Variants in TMEM165 observed in about 807,000 individuals in gnomAD.
The protein encoded by TMEM165 is putative divalent cation/proton antiporter TMEM165.
Under a neutral mutation model 30.0 loss-of-function variants are expected in TMEM165, and 19 were observed. That is an observed-to-expected ratio of 0.63 (90% confidence interval 0.44 to 0.93). The LOEUF is 0.93. TMEM165 is among the 40% of genes least tolerant of loss of function. TMEM165 has a pLI of 0.00. For missense variants in TMEM165, 340 were observed against 417.0 expected (o/e 0.82, Z 1.61); for synonymous variants, 168 against 162.9 (o/e 1.03, Z -0.24).
At chr4:55,406,236 C>G (rs191807031) in intron 1 of TMEM165, among the ~76,000 whole-genome samples, 155 of 152,326 alleles carry the variant, frequency 1.0e-3, no homozygotes, top group African/African-American at 3.5e-3. Flanking sequence ...AATTGATCCT[C>G]CATAGCTGGC....
chr4:55,400,272 A>AATATTATATTATATATAATATTAT (rs1720911678), intron 1 of TMEM165, among the ~76,000 whole-genome samples: 2 of 83,174 alleles, frequency 2.4e-5, no homozygotes, highest in Non-Finnish European at 4.4e-5. Flanking sequence ...TATAATATAT[A>AATATTATATTATATATAATATTAT]ATATAATATT....
intron 1 of TMEM165, among the ~76,000 whole-genome samples, chr4:55,402,893 G>T (rs565234969): frequency 7.1e-6 from 1 of 140,198 alleles, no homozygotes; most frequent in Admixed American, 7.8e-5. Context: ...CCGGGTTCAC[G>T]CCATTCTCCT....
intron 1 of TMEM165, among the ~76,000 whole-genome samples, chr4:55,409,866 C>T (rs528451024): frequency 1.3e-5 from 2 of 152,320 alleles, no homozygotes; most frequent in South Asian, 4.1e-4. Flanking sequence ...CTAAAACCTG[C>T]CATCTCTAAC....
exon 4 of TMEM165, chr4:55,453,223 C>T (rs540439875): frequency 5.6e-4 from 568 of 1,012,670 alleles, no homozygotes; most frequent in Non-Finnish European, 3.0e-4. Context: ...CGTGTCTCAT[C>T]TGTTCATCTA....
At chr4:55,417,013 C>G in intron 2 of TMEM165, 59 bp from the exon 3 acceptor site, 1 of 1,415,714 alleles carries the variant, frequency 7.1e-7, no homozygotes, top group African/African-American at 1.5e-5. Context: ...CCGAAGTTAA[C>G]TGTTCCCTTG....
intron 3 of TMEM165, among the ~76,000 whole-genome samples, chr4:55,448,602 GTGTGT>G (rs1724132645): frequency 7.0e-5 from 1 of 14,384 alleles, no homozygotes. Flanking sequence ...GCACGCGCGC[GTGTGT>G]GTGTGTGTGT....
chr4:55,412,561 A>G (rs928473804), intron 2 of TMEM165: 10 of 151,984 alleles, frequency 6.6e-5, no homozygotes, highest in African/African-American at 1.9e-4. Flanking sequence ...TTTTCTTCCT[A>G]TAATTTATAT....
Position 55,437,375 on chromosome 4 carries a change from A to G in TMEM165, c.408+12732A>G, listed in dbSNP as rs79797549. Among the ~76,000 whole-genome samples, 1,162 of 152,306 alleles carry G rather than the reference A, an allele frequency of 7.6e-3. 17 individuals are homozygous for G. The highest frequency in any genetic ancestry group is 0.027 in the African/African-American group (1,109 of 41,560). ...GCCTACATTCAAAATTGCTCCAGCTAGGCCAGAAGGGGAAAAGGTAGATTT... is the reference window on the plus strand; with the variant it reads ...GCCTACATTCAAAATTGCTCCAGCTGGGCCAGAAGGGGAAAAGGTAGATTT... On this transcript the variant is annotated intron_variant, in intron 3 of 3. Transcript: ENST00000608091.
intron 1 of TMEM165, chr4:55,399,210 C>T (rs2109515562): frequency 6.6e-6 from 1 of 152,282 alleles, no homozygotes; most frequent in East Asian, 1.9e-4. Flanking sequence ...AATCATTTAA[C>T]ATGTGAAGCC....
At chr4:55,414,722 C>G (rs1216386669) in intron 2 of TMEM165, among the ~76,000 whole-genome samples, 1 of 152,120 alleles carries the variant, frequency 6.6e-6, no homozygotes, top group Non-Finnish European at 1.5e-5. Context: ...ATATCCATAG[C>G]CTTTTTTTAA....
chr4:55,452,790 T>C (rs1010657313), exon 4 of TMEM165: 1 of 276,942 alleles, frequency 3.6e-6, no homozygotes, highest in Admixed American at 4.7e-5. Flanking sequence ...ATAATTCATA[T>C]AAATAACCTA....
At chr4:55,435,305 C>A in intron 3 of TMEM165, 1 of 1,270,850 alleles carries the variant, frequency 7.9e-7, no homozygotes, top group Non-Finnish European at 1.1e-6. Flanking sequence ...ACACTCAATA[C>A]TGCATCTCAT....
At chr4:55,447,179 C>G (rs1359481835) in intron 3 of TMEM165, among the ~76,000 whole-genome samples, 1 of 151,826 alleles carries the variant, frequency 6.6e-6, no homozygotes, top group Admixed American at 6.6e-5. Flanking sequence ...CCAGCCTGGG[C>G]AACATGGCAA....
At chr4:55,402,403 G>GTATATATA (rs869107499) in intron 1 of TMEM165, among the ~76,000 whole-genome samples, 214 of 48,004 alleles carry the variant, frequency 4.5e-3, no homozygotes, top group Non-Finnish European at 5.5e-3. Flanking sequence ...GTGTGTGTGT[G>GTATATATA]TATATATATA....
At chr4:55,398,018 C>G (rs1720803445) in intron 1 of TMEM165, among the ~76,000 whole-genome samples, 1 of 152,104 alleles carries the variant, frequency 6.6e-6, no homozygotes, top group African/African-American at 2.4e-5. Context: ...CTGGTGAGCT[C>G]TCACACCGGT....
At chr4:55,438,099 G>T (rs543777289) in intron 3 of TMEM165, among the ~76,000 whole-genome samples, 3 of 152,252 alleles carry the variant, frequency 2.0e-5, no homozygotes, top group Admixed American at 1.3e-4. Flanking sequence ...GTCTTCCAAC[G>T]ACTGAGCAAG....
chr4:55,399,272 C>G (rs1166580212), intron 1 of TMEM165: 1 of 152,146 alleles, frequency 6.6e-6, no homozygotes, highest in Admixed American at 6.6e-5. Context: ...GCTTCTCCAT[C>G]TTTTTCCTTC....
intron 3 of TMEM165, chr4:55,443,630 A>G (rs1723549929): frequency 7.7e-7 from 1 of 1,304,172 alleles, no homozygotes; most frequent in Admixed American, 1.7e-5. Flanking sequence ...TGCTTCAGCA[A>G]TAGTGTGCCT....
intron 4 of TMEM165, among the ~76,000 whole-genome samples, chr4:55,422,840 A>G (rs1722038769): frequency 6.6e-6 from 1 of 151,690 alleles, no homozygotes; most frequent in Non-Finnish European, 1.5e-5. Context: ...TAGTAGAGAC[A>G]GCATTTCACC....
Sources: allele counts gnomAD v4.1 joint callset (sites outside exome capture counted in the v4.1 genomes callset), GRCh38; gene constraint gnomAD v4.1.1; transcripts MANE v1.5; gene names NCBI Gene and HGNC (gene_info 2026-07-23, HGNC 2026-07-21).